UHMK1: variants seen among roughly 807,000 people sequenced by gnomAD.
UHMK1 encodes U2AF homology motif kinase 1.
UHMK1 carries 18 observed loss-of-function variants against 44.0 expected under a neutral mutation model. The ratio of observed to expected loss-of-function variants is 0.41; its 90% CI spans 0.28 to 0.61. UHMK1 has a LOEUF of 0.61. Among genes scored for constraint, UHMK1 ranks in the 20% least tolerant of loss-of-function variants. The pLI, the probability that UHMK1 is intolerant of heterozygous loss-of-function variation, is 0.31. For missense variants in UHMK1, 463 were observed against 522.5 expected, an observed-to-expected ratio of 0.89 and a Z score of 1.11; for synonymous variants, 231 against 198.5, an observed-to-expected ratio of 1.16 and a Z score of -1.38.
At chr1:162,515,012 G>T (rs189976473) in intron 6 of UHMK1, among the ~76,000 whole-genome samples, 1 of 152,028 alleles carries the variant, frequency 6.6e-6, no homozygotes. Context: ...TTTACTTTCA[G>T]GTCTTAACTA....
chr1:162,518,971 AGT>A (rs1459041907), intron 7 of UHMK1, among the ~76,000 whole-genome samples: 1 of 149,158 alleles, frequency 6.7e-6, no homozygotes, highest in Non-Finnish European at 1.5e-5. Flanking sequence ...CCTGGGCAAC[AGT>A]GTGAGACTCC....
chr1:162,511,017 G>A (rs972539240), intron 4 of UHMK1, among the ~76,000 whole-genome samples: 6 of 151,596 alleles, frequency 4.0e-5, no homozygotes, highest in African/African-American at 1.5e-4. Flanking sequence ...TTGTGGTTTT[G>A]GTTTTTCATT....
rs138798315 is a variant in UHMK1, at chr1:162,505,796, G to A, written c.848+1948G>A. On this transcript the variant is annotated intron_variant, in intron 4 of 7. Transcript: ENST00000489294. ...CCCTTGTCTGAGTTAGAGTAGTATA[G>A]TTTCCTTTGAATATTGGCCCTATAA... is the stretch of plus-strand genomic sequence containing the variant. Among the ~76,000 whole-genome samples the A allele has an allele frequency of 7.9e-3, 1,204 of 152,284 alleles. 27 individuals are homozygous for A. Among genetic ancestry groups the A allele is most frequent in the African/African-American group, 0.028 (1,155 of 41,564 alleles).
At chr1:162,498,790 CTG>C (rs1353819527) in intron 1 of UHMK1, among the ~76,000 whole-genome samples, 1 of 152,194 alleles carries the variant, frequency 6.6e-6, no homozygotes, top group African/African-American at 2.4e-5. Flanking sequence ...TCTCTTGAGA[CTG>C]TTTCAAGAAT....
In UHMK1 at chr1:162,497,826, G is replaced by C; in HGVS notation, c.-175G>C. On this transcript the variant is annotated 5_prime_UTR_variant, in exon 1 of 8. Coordinates refer to ENST00000489294, the MANE Select transcript of UHMK1 (RefSeq NM_175866.5). Reference sequence around the variant, plus strand: ...CTCCATTTCCGGCTTCTGGGACTCGGGTGCACCACGGCTTCCGGTGTCATG... The same window carrying C: ...CTCCATTTCCGGCTTCTGGGACTCGCGTGCACCACGGCTTCCGGTGTCATG... 1 of 1,351,726 alleles carries C rather than the reference G, an allele frequency of 7.4e-7. No individual in the cohort carries two copies. The highest frequency in any genetic ancestry group is 3.0e-5 in the East Asian group (1 of 33,314). 83.7% of individuals were successfully genotyped at this position (1,351,726 alleles called of 1,614,324 possible).
Position 162,500,144 on chromosome 1 carries a change from G to T in UHMK1, c.458G>T (p.Gly153Val). 3 of 1,614,182 alleles carry T rather than the reference G, an allele frequency of 1.9e-6. No individual in the cohort carries two copies. The highest frequency in any genetic ancestry group is 2.5e-6 in the Non-Finnish European group (3 of 1,180,038). The change falls in exon 2 of 8, where the codon GGC (glycine) becomes GTC (valine). Residue 153 changes from glycine (G) to valine (V), a missense_variant. This residue lies in a region of UHMK1 where 264 missense variants were observed against 326.3 expected (regional missense o/e 0.81). Coordinates refer to ENST00000489294, the MANE Select transcript of UHMK1 (RefSeq NM_175866.5). ...GCCCTTGCTTTTCTTCATCATGAGG[G>T]CTATGTCCATGCGGACCTCAAACCA... ...LEALAFLHHE[G>V]YVHADLKPRN...
intron 4 of UHMK1, among the ~76,000 whole-genome samples, 167 bp from the exon 5 acceptor site, chr1:162,512,333 A>G (rs532263272): frequency 1.4e-3 from 219 of 152,176 alleles, no homozygotes; most frequent in African/African-American, 1.8e-3. Context: ...ATGAATTACT[A>G]AACCATTTAC....
chr1:162,522,069 A>G (rs1652079531), intron 7 of UHMK1, among the ~76,000 whole-genome samples: 1 of 151,686 alleles, frequency 6.6e-6, no homozygotes, highest in Non-Finnish European at 1.5e-5. Context: ...TCTTTGGCAG[A>G]TGTCTAGTGT....
chr1:162,498,143 C>T lies in UHMK1; in HGVS notation c.143C>T (p.Ser48Leu). 1 of 1,612,698 alleles carries T rather than the reference C, an allele frequency of 6.2e-7. No individual in the cohort carries two copies. The highest frequency in any genetic ancestry group is 8.5e-7 in the Non-Finnish European group (1 of 1,179,628). Residue 48 changes from serine (S) to leucine (L), a missense_variant, in exon 1 of 8, where the codon TCG becomes TTG. Transcript: ENST00000489294. ...YRVRCCGNPG[S>L]PPGALKQFLP... ...GTTCGCTGCTGCGGCAACCCTGGCT[C>T]GCCCCCCGGCGCCCTCAAGCAGTTC...
intron 2 of UHMK1, 135 bp downstream of exon 2, chr1:162,500,382 C>T: frequency 2.8e-6 from 3 of 1,065,826 alleles, no homozygotes; most frequent in South Asian, 1.8e-5. Flanking sequence ...CCAGGGGATG[C>T]AGTAAATCAA....
intron 7 of UHMK1, among the ~76,000 whole-genome samples, chr1:162,520,133 T>G (rs1224662528): frequency 3.9e-5 from 6 of 152,224 alleles, no homozygotes. Context: ...ATTCAAGAGA[T>G]CCAACCCGAT....
chr1:162,508,587 A>G (rs1012066191), intron 4 of UHMK1, among the ~76,000 whole-genome samples: 3 of 151,840 alleles, frequency 2.0e-5, no homozygotes, highest in African/African-American at 7.2e-5. Context: ...CTGTAATCCC[A>G]GGTACTCTGG....
intron 6 of UHMK1, among the ~76,000 whole-genome samples, chr1:162,517,760 C>T (rs2101683333): frequency 6.6e-6 from 1 of 152,088 alleles, no homozygotes; most frequent in East Asian, 1.9e-4. Context: ...TGGTGCACGC[C>T]TGTAGTCCCA....
rs1652266318 is a variant in UHMK1, at chr1:162,526,789, T to C, written c.*4239T>C. ...TTATATATGATGGAAAAGCCAGAAT[T>C]GTCTGGCAGAATTTAATTCTTCCTT... On this transcript the variant is annotated 3_prime_UTR_variant, in exon 8 of 8. Coordinates refer to ENST00000489294, the MANE Select transcript of UHMK1 (RefSeq NM_175866.5). 6.6e-6 allele frequency: 1 copy of C among 152,136 alleles called. No individual in the cohort carries two copies. Among genetic ancestry groups the C allele is most frequent in the Admixed American group, 6.5e-5 (1 of 15,268 alleles). The allele number at this position is 152,136 out of a possible 1,614,324, so 9.4% of individuals were successfully genotyped here.
chr1:162,522,089 C>G (rs1020003649), intron 7 of UHMK1, among the ~76,000 whole-genome samples: 2 of 147,406 alleles, frequency 1.4e-5, no homozygotes, highest in Admixed American at 6.9e-5. Flanking sequence ...TTATTCATCA[C>G]TCCTGTAACG....
chr1:162,516,557 G>T (rs1405862456), intron 6 of UHMK1, among the ~76,000 whole-genome samples: 1 of 152,062 alleles, frequency 6.6e-6, no homozygotes, highest in Non-Finnish European at 1.5e-5. Context: ...AGTTGGAAAG[G>T]CCTTTTTTGA....
intron 2 of UHMK1, 137 bp downstream of exon 2, chr1:162,500,384 G>T: frequency 2.8e-6 from 3 of 1,060,458 alleles, no homozygotes; most frequent in East Asian, 2.6e-5. Context: ...AGGGGATGCA[G>T]TAAATCAAAA....
At chr1:162,504,805 C>T (rs551838227) in intron 4 of UHMK1, among the ~76,000 whole-genome samples, 6 of 152,078 alleles carry the variant, frequency 3.9e-5, no homozygotes, top group Non-Finnish European at 5.9e-5. Flanking sequence ...GACAGAGTCA[C>T]ACTCCATCAC....
upstream of UHMK1, among the ~76,000 whole-genome samples, chr1:162,497,473 G>A (rs548559495): frequency 5.3e-5 from 8 of 152,300 alleles, no homozygotes; most frequent in South Asian, 1.7e-3. Context: ...ATGGGTTCTG[G>A]TGACCGTGGA....
Sources: gnomAD v4.1 joint callset for allele counts (sites outside exome capture counted in the v4.1 genomes callset) on GRCh38, gnomAD v4.1.1 for gene constraint, gnomAD v4.1.1 regional missense constraint, MANE v1.5 for transcripts, NCBI Gene and HGNC (gene_info 2026-07-23, HGNC 2026-07-21) for gene names.